Variants in ITPKC observed in about 807,000 individuals in gnomAD.
ITPKC encodes inositol-trisphosphate 3-kinase C.
ITPKC carries 33 observed loss-of-function variants against 67.1 expected under a neutral mutation model. That is an observed-to-expected ratio of 0.49 (90% CI 0.37 to 0.66). The LOEUF is 0.66. ITPKC is among the 30% of genes least tolerant of loss of function. The pLI is 0.00. For synonymous variants in ITPKC, 341 were observed against 359.8 expected, an observed-to-expected ratio of 0.95 and a Z score of 0.59; for missense variants, 820 against 892.1, an observed-to-expected ratio of 0.92 and a Z score of 1.03.
At chr19:40,724,962 AAG>A (rs1223835590) in intron 1 of ITPKC, among the ~76,000 whole-genome samples, 103 of 148,786 alleles carry the variant, frequency 6.9e-4, no homozygotes, top group East Asian at 5.6e-3. Context: ...AAAAAAAAAA[AAG>A]AAGATTTGGA....
At chr19:40,729,014 TG>T (rs1488624478) in intron 2 of ITPKC, among the ~76,000 whole-genome samples, 187 bp from the exon 3 acceptor site, 8 of 151,224 alleles carry the variant, frequency 5.3e-5, no homozygotes, top group Admixed American at 5.3e-4. Flanking sequence ...GGCAACAGAG[TG>T]GGACTCCATC....
At chr19:40,732,066 C>T (rs2082273406) in intron 3 of ITPKC, among the ~76,000 whole-genome samples, 1 of 151,660 alleles carries the variant, frequency 6.6e-6, no homozygotes, top group Non-Finnish European at 1.5e-5. Flanking sequence ...GAAACTCTGA[C>T]TCTACTAAAA....
chr19:40,721,667 C>G (rs2082223225), intron 1 of ITPKC, among the ~76,000 whole-genome samples: 1 of 151,928 alleles, frequency 6.6e-6, no homozygotes, highest in Admixed American at 6.6e-5. Context: ...CTGTGCCCGG[C>G]CCGGATCTAA....
chr19:40,734,085 A>T (rs1038822374), intron 4 of ITPKC, among the ~76,000 whole-genome samples: 1 of 152,162 alleles, frequency 6.6e-6, no homozygotes, highest in Non-Finnish European at 1.5e-5. Context: ...AGTGCCAGTA[A>T]ATGGAGTTGT....
chr19:40,737,059 A>G lies in ITPKC; in HGVS notation c.1748A>G (p.Asp583Gly). ...ALEQVTKVLEDFVDGDHVILQ... is the reference protein window; with the variant it reads ...ALEQVTKVLEGFVDGDHVILQ... The stretch of plus-strand genomic sequence containing the variant: ...GAGCAGGTGACAAAAGTGCTGGAGG[A>G]CTTCGTGGATGGAGACCACGTCATC... The change falls in exon 5 of 7, where the codon GAC (aspartate) becomes GGC (glycine). Residue 583 changes from aspartate to glycine, a missense_variant. This residue lies in a region of ITPKC where 339 missense variants were observed against 422.0 expected (regional missense o/e 0.80). Coordinates refer to ENST00000263370, the MANE Select transcript of ITPKC (RefSeq NM_025194.3). 2.5e-6 allele frequency: 4 copies of G among 1,586,668 alleles called. No homozygotes were observed. Among genetic ancestry groups the G allele is most frequent in the Non-Finnish European group, 3.4e-6 (4 of 1,164,504 alleles).
chr19:40,717,399 A>T lies in ITPKC; in HGVS notation c.264A>T (p.Glu88Asp), dbSNP rs775890429. Residue 88 changes from glutamate to aspartate, a missense_variant, in exon 1 of 7, where the codon GAA becomes GAT. Physicochemically the swap from Glu to Asp is conservative, Grantham distance 45. Transcript: ENST00000263370. ...PAPGTESPQAEFWTDGQTEPA... is the reference protein window; with the variant it reads ...PAPGTESPQADFWTDGQTEPA... Reference sequence around the variant, plus strand: ...CGGGGACAGAGAGTCCGCAGGCAGAATTCTGGACAGACGGACAGACTGAGC... The same window carrying T: ...CGGGGACAGAGAGTCCGCAGGCAGATTTCTGGACAGACGGACAGACTGAGC... The T allele has an allele frequency of 8.1e-6, 13 of 1,613,548 alleles. 1 individual carries two copies. In the South Asian group the frequency reaches 8.8e-5, roughly 11 times the overall value.
intron 6 of ITPKC, among the ~76,000 whole-genome samples, chr19:40,738,889 C>G (rs1484452556): frequency 6.6e-6 from 1 of 152,054 alleles, no homozygotes; most frequent in Non-Finnish European, 1.5e-5. Flanking sequence ...ATCTGATAAC[C>G]AAGATGGCTC....
intron 6 of ITPKC, among the ~76,000 whole-genome samples, chr19:40,738,537 G>A (rs547469490): frequency 2.6e-5 from 4 of 152,028 alleles, no homozygotes; most frequent in African/African-American, 9.6e-5. Flanking sequence ...GGGCAACAGA[G>A]TGAGACTCTG....
In ITPKC at chr19:40,717,213, G is replaced by A. The variant is rs1350953899; in HGVS notation, c.78G>A (p.Leu26=). The stretch of plus-strand genomic sequence containing the variant: ...TGCCCGCGGCGGCCCGCATGGGACT[G>A]GAGGCGCCGCGAGGAGGGCGGCGGC... ...GALPAAARMG[L]EAPRGGRRRQ... The change falls in exon 1 of 7, where the codon CTG becomes CTA. Residue 26 remains leucine (L), a synonymous_variant. Coordinates refer to ENST00000263370, the MANE Select transcript of ITPKC (RefSeq NM_025194.3). 13 of 1,238,564 alleles carry A rather than the reference G, an allele frequency of 1.0e-5. No individual in the cohort carries two copies. The highest frequency in any genetic ancestry group is 1.3e-5 in the Non-Finnish European group (13 of 995,302). The allele number at this position is 1,238,564 out of a possible 1,614,324, so 76.7% of individuals were successfully genotyped here.
rs754954802 is a variant in ITPKC at position 40,717,759 on chromosome 19, A to C, written c.624A>C (p.Pro208=). Residue 208 remains proline, a synonymous_variant, in exon 1 of 7, where the codon CCA becomes CCC. Coordinates refer to ENST00000263370, the MANE Select transcript of ITPKC (RefSeq NM_025194.3). The stretch of plus-strand genomic sequence containing the variant: ...ACAGTTCCAGCCTCCAGACTCACCC[A>C]GAAGGAGCCTGTCCCTCAAAAGAGC... ...HQNSSSLQTH[P]EGACPSKEPS... is the part of the protein sequence containing the mutation. The C allele has an allele frequency of 8.1e-6, 13 of 1,613,984 alleles. No individual in the cohort carries two copies. Among genetic ancestry groups the C allele is most frequent in the South Asian group, 1.1e-5 (1 of 91,072 alleles).
At chr19:40,731,867 T>G (rs1433422713) in intron 3 of ITPKC, among the ~76,000 whole-genome samples, 5 of 151,642 alleles carry the variant, frequency 3.3e-5, no homozygotes, top group Non-Finnish European at 5.9e-5. Flanking sequence ...TTGGGGCAGG[T>G]GAAAGGAGGG....
chr19:40,740,777 A>G lies in ITPKC; in HGVS notation c.*1217A>G, dbSNP rs1265572152. ...ACGAGAGGCAGTTGCTGGACGGGGT[A>G]GTACTGGGAAGCAGGAGGCAGAATG... is the stretch of plus-strand genomic sequence containing the variant. On this transcript the variant is annotated 3_prime_UTR_variant, in exon 7 of 7. Transcript: ENST00000263370. 7.6e-6 allele frequency: 3 copies of G among 392,726 alleles called. No homozygotes were observed. The highest frequency in any genetic ancestry group is 3.6e-5 in the East Asian group (1 of 27,764). The allele number at this position is 392,726 out of a possible 1,614,324, so 24.3% of individuals were successfully genotyped here.
chr19:40,729,410 C>G lies in ITPKC; in HGVS notation c.1464C>G (p.Gly488=). The G allele has an allele frequency of 6.2e-7, 1 of 1,612,018 alleles. No individual in the cohort carries two copies. The highest frequency in any genetic ancestry group is 8.5e-7 in the Non-Finnish European group (1 of 1,179,220). The change falls in exon 3 of 7, where the codon GGC becomes GGG. Residue 488 remains glycine (G), a synonymous_variant. Coordinates refer to ENST00000263370, the MANE Select transcript of ITPKC (RefSeq NM_025194.3). The part of the protein sequence containing the change: ...EGPSIMDCKM[G]SRTYLEEELV... ...CCTCCATTATGGACTGCAAGATGGGCAGCAGGTGGGGCTGGGGCAGCCCTG... is the reference window on the plus strand; with the variant it reads ...CCTCCATTATGGACTGCAAGATGGGGAGCAGGTGGGGCTGGGGCAGCCCTG...
chr19:40,726,273 T>C (rs1412100385), intron 2 of ITPKC, among the ~76,000 whole-genome samples: 4 of 151,688 alleles, frequency 2.6e-5, no homozygotes, highest in African/African-American at 9.7e-5. Flanking sequence ...ACAGGACTCT[T>C]ATGAATGGAA....
rs2082323796 is a variant in ITPKC at position 40,740,597 on chromosome 19, C to T, written c.*1037C>T. Reference sequence around the variant, plus strand: ...CTGTAGAACCCTGGGGTGTGGCTAACGGCCCCTCCAGCACCCATAGCCAGG... The same window carrying T: ...CTGTAGAACCCTGGGGTGTGGCTAATGGCCCCTCCAGCACCCATAGCCAGG... On this transcript the variant is annotated 3_prime_UTR_variant, in exon 7 of 7. Transcript: ENST00000263370. 2 of 229,894 alleles carry T rather than the reference C, an allele frequency of 8.7e-6. No homozygotes were observed. The highest frequency in any genetic ancestry group is 2.3e-5 in the African/African-American group (1 of 44,240). 14.2% of individuals were successfully genotyped at this position (229,894 alleles called of 1,614,324 possible).
In ITPKC at chr19:40,717,717, C is replaced by T. The variant is rs1053634502; in HGVS notation, c.582C>T (p.Asn194=). 1 of 1,613,802 alleles carries T rather than the reference C, an allele frequency of 6.2e-7. No homozygotes were observed. Among genetic ancestry groups the T allele is most frequent in the Non-Finnish European group, 8.5e-7 (1 of 1,179,960 alleles). ...AGAGGGTCAAGTCCTGGGCTGATAACCTCTGGACCCACCAGAACAGTTCCA... is the reference window on the plus strand; with the variant it reads ...AGAGGGTCAAGTCCTGGGCTGATAATCTCTGGACCCACCAGAACAGTTCCA... ...QPERVKSWAD[N]LWTHQNSSSL... Residue 194 remains asparagine, a synonymous_variant, in exon 1 of 7, where the codon AAC becomes AAT. Transcript: ENST00000263370.
intron 1 of ITPKC, among the ~76,000 whole-genome samples, chr19:40,719,982 A>AT (rs2082213978): frequency 3.5e-5 from 5 of 141,262 alleles, no homozygotes; most frequent in South Asian, 2.3e-4. Context: ...TTTTTCTGTC[A>AT]TTTTTTATCT....
intron 3 of ITPKC, among the ~76,000 whole-genome samples, chr19:40,731,835 G>C (rs1231456516): frequency 6.6e-6 from 1 of 152,140 alleles, no homozygotes; most frequent in Non-Finnish European, 1.5e-5. Context: ...TCAGGAAGGT[G>C]GGGAAAGATT....
At position 40,718,063 on chromosome 19, in the gene ITPKC, G is replaced by T. The variant is rs759237787; in HGVS notation, c.928G>T (p.Glu310Ter). 1 of 1,614,104 alleles carries T rather than the reference G, an allele frequency of 6.2e-7. No individual in the cohort carries two copies. The highest frequency in any genetic ancestry group is 2.2e-5 in the East Asian group (1 of 44,886). Residue 310 changes from glutamate to a stop codon, truncating the protein, a stop_gained, in exon 1 of 7, where the codon GAA becomes TAA. Transcript: ENST00000263370. LOFTEE classifies it high-confidence loss of function. Reference protein sequence around the residue: ...DGPLEEPEPGELLTHLYSHLK... With the variant: ...DGPLEEPEPG ...CCCATTAGAGGAACCAGAGCCTGGA[G>T]AATTGCTGACTCACCTGTACTCTCA... is the stretch of plus-strand genomic sequence containing the variant.
Sources: allele counts gnomAD v4.1 joint callset (sites outside exome capture counted in the v4.1 genomes callset), GRCh38; gene constraint gnomAD v4.1.1; regional missense constraint gnomAD v4.1.1; transcripts MANE v1.5; gene names NCBI Gene and HGNC (gene_info 2026-07-23, HGNC 2026-07-21).